Variants in PTPRG observed in about 807,000 individuals in gnomAD.
PTPRG encodes the protein protein tyrosine phosphatase receptor type G.
Under a neutral mutation model 165.3 loss-of-function variants are expected in PTPRG, and 102 were observed. That is an observed-to-expected ratio of 0.62 (90% CI 0.53 to 0.73). The LOEUF (loss-of-function observed/expected upper bound fraction) is 0.73. Among genes scored for constraint, PTPRG ranks in the 30% least tolerant of loss-of-function variants. The probability of loss-of-function intolerance (pLI) is 0.00; values close to 1 mark genes in which losing one functional copy is unlikely to be tolerated. For missense variants in PTPRG, 1,866 were observed against 1,861.4 expected, an observed-to-expected ratio of 1.00 and a Z score of -0.05; for synonymous variants, 675 against 669.5, an observed-to-expected ratio of 1.01 and a Z score of -0.13.
chr3:61,634,604 G>A (rs890054160), intron 1 of PTPRG, among the ~76,000 whole-genome samples: 1 of 151,872 alleles, frequency 6.6e-6, no homozygotes, highest in African/African-American at 2.4e-5. Flanking sequence ...TTTTTCTGTG[G>A]AAACCTAAAC....
At chr3:61,761,997 G>C (rs555454972) in intron 2 of PTPRG, among the ~76,000 whole-genome samples, 1 of 152,214 alleles carries the variant, frequency 6.6e-6, no homozygotes, top group South Asian at 2.1e-4. Context: ...TGGTCATTGA[G>C]AGATTTTAGC....
At chr3:61,632,714 T>A (rs1701802336) in intron 1 of PTPRG, among the ~76,000 whole-genome samples, 1 of 152,224 alleles carries the variant, frequency 6.6e-6, no homozygotes. Flanking sequence ...CAGCAAGTGA[T>A]GATGTAAGCA....
rs777192729 is a variant in PTPRG, at chr3:62,203,310, C to T, written c.1515C>T (p.Ala505=). The T allele has an allele frequency of 3.1e-6, 5 of 1,614,034 alleles. No homozygotes were observed. The highest frequency in any genetic ancestry group is 4.2e-6 in the Non-Finnish European group (5 of 1,180,030). Residue 505 remains alanine (A), a synonymous_variant, in exon 12 of 30, where the codon GCC becomes GCT. Transcript: ENST00000474889. This position sits in a 1 kb window ranked among gnomAD's most constrained non-coding sequence, Gnocchi z 6.4. ...GMGPSSSGSQ[A]TVASVVTSTL... is the part of the protein sequence containing the mutation. ...GCCCCTCCTCCAGTGGCAGCCAGGC[C>T]ACAGTGGCCTCGGTGGTCACCAGCA...
At chr3:62,025,132 A>G (rs138727126) in intron 4 of PTPRG, among the ~76,000 whole-genome samples, 24 of 152,318 alleles carry the variant, frequency 1.6e-4, no homozygotes, top group African/African-American at 5.8e-4. Flanking sequence ...ACACTGCAAC[A>G]GGGAGTGGGA....
In PTPRG at chr3:61,589,495, C is replaced by T. The variant is rs147295021; in HGVS notation, c.85+27123C>T. Reference sequence around the variant, plus strand: ...ATAGAAGTGAGAAAACTTTGAGGCTCACAGAAAAATTTCCCCCAGTTACAC... The same window carrying T: ...ATAGAAGTGAGAAAACTTTGAGGCTTACAGAAAAATTTCCCCCAGTTACAC... On this transcript the variant is annotated intron_variant, in intron 1 of 29. Coordinates refer to ENST00000474889, the MANE Select transcript of PTPRG (RefSeq NM_002841.4). Among the ~76,000 whole-genome samples, 39 of 152,244 alleles carry T rather than the reference C, an allele frequency of 2.6e-4. No individual in the cohort carries two copies. In the East Asian group the frequency reaches 7.3e-3, roughly 29 times the overall value.
chr3:61,706,113 C>T (rs183935317), intron 1 of PTPRG, among the ~76,000 whole-genome samples: 32 of 152,212 alleles, frequency 2.1e-4, no homozygotes, highest in African/African-American at 7.7e-4. Context: ...GGATTAAATG[C>T]TTGCCATCTA....
chr3:62,265,347 A>G (rs1701829662), intron 17 of PTPRG, among the ~76,000 whole-genome samples: 1 of 152,130 alleles, frequency 6.6e-6, no homozygotes. Flanking sequence ...TGCTTTTGTT[A>G]AATTTATTCC....
At position 62,046,892 on chromosome 3, in the gene PTPRG, C is replaced by T. The variant is rs542438994; in HGVS notation, c.520-31271C>T. Among the ~76,000 whole-genome samples, 20 of 152,282 alleles carry T rather than the reference C, an allele frequency of 1.3e-4. No homozygotes were observed. The East Asian group carries it at 3.1e-3, about 24-fold the overall frequency. Reference sequence around the variant, plus strand: ...GTAACAACTACTACCATTTATGGGGCACTTACAGGATGCAAGACTGTGCAC... The same window carrying T: ...GTAACAACTACTACCATTTATGGGGTACTTACAGGATGCAAGACTGTGCAC... On this transcript the variant is annotated intron_variant, in intron 4 of 29. Coordinates refer to ENST00000474889, the MANE Select transcript of PTPRG (RefSeq NM_002841.4).
intron 4 of PTPRG, among the ~76,000 whole-genome samples, chr3:62,050,810 G>A (rs1307293153): frequency 6.6e-6 from 1 of 152,148 alleles, no homozygotes; most frequent in Admixed American, 6.5e-5. Flanking sequence ...TCATTCCCAA[G>A]CAAGCTGTCT....
chr3:61,817,045 AATATT>A (rs1369073994), intron 2 of PTPRG, among the ~76,000 whole-genome samples: 22 of 131,330 alleles, frequency 1.7e-4, no homozygotes, highest in South Asian at 4.4e-4. Flanking sequence ...TATAATATAT[AATATT>A]ATATATAATA....
At chr3:62,184,193 C>T (rs114117616) in intron 8 of PTPRG, among the ~76,000 whole-genome samples, 78 of 152,286 alleles carry the variant, frequency 5.1e-4, no homozygotes, top group Non-Finnish European at 7.3e-4. Flanking sequence ...TGCACAGAGC[C>T]GGGCCCAGGG....
At chr3:62,009,299 T>C (rs1326332220) in intron 4 of PTPRG, among the ~76,000 whole-genome samples, 1 of 152,126 alleles carries the variant, frequency 6.6e-6, no homozygotes, top group Non-Finnish European at 1.5e-5. Context: ...TCCCAGTACT[T>C]CTCTCTTCCT....
Position 62,292,537 on chromosome 3 carries a change from C to G in PTPRG, c.4172C>G (p.Pro1391Arg), listed in dbSNP as rs1195413336. ...QVAKMINLMR[P>R]GVFTDIEQYQ... ...GCAAAAATGATCAATCTTATGAGGC[C>G]TGGAGTATTCACAGACATTGTAAGT... The change falls in exon 29 of 30, where the codon CCT becomes CGT. Residue 1391 changes from proline (P) to arginine (R), a missense_variant. Transcript: ENST00000474889. The G allele has an allele frequency of 6.2e-7, 1 of 1,613,298 alleles. No homozygotes were observed. The highest frequency in any genetic ancestry group is 8.5e-7 in the Non-Finnish European group (1 of 1,179,564).
chr3:61,946,510 T>C (rs1438259294), intron 2 of PTPRG, among the ~76,000 whole-genome samples: 2 of 152,212 alleles, frequency 1.3e-5, no homozygotes, highest in African/African-American at 4.8e-5. Context: ...GCCTGTTTGA[T>C]AGTGAGCTCT....
At chr3:62,143,415 C>T (rs936758524) in intron 6 of PTPRG, among the ~76,000 whole-genome samples, 4 of 152,108 alleles carry the variant, frequency 2.6e-5, no homozygotes, top group Admixed American at 1.3e-4. Context: ...GGGTTCTTGC[C>T]TGTTTTTGTG....
At chr3:61,792,139 G>A (rs572626351) in intron 2 of PTPRG, among the ~76,000 whole-genome samples, 67 of 152,068 alleles carry the variant, frequency 4.4e-4, no homozygotes, top group Middle Eastern at 6.8e-3. Flanking sequence ...AGTTGGTGTA[G>A]TGTCACCAAA....
intron 2 of PTPRG, among the ~76,000 whole-genome samples, chr3:61,956,229 CAT>C (rs1300877498): frequency 6.6e-6 from 1 of 152,054 alleles, no homozygotes; most frequent in African/African-American, 2.4e-5. Context: ...ACTTGTGTAA[CAT>C]ATGTATGTCC....
chr3:61,732,753 TA>T (rs2032562127), intron 1 of PTPRG, among the ~76,000 whole-genome samples: 2 of 142,352 alleles, frequency 1.4e-5, no homozygotes, highest in Non-Finnish European at 3.0e-5. Context: ...AATAAATAAA[TA>T]AATAAATCTT....
chr3:61,732,640 C>T (rs1195251606), intron 1 of PTPRG, among the ~76,000 whole-genome samples: 2 of 151,824 alleles, frequency 1.3e-5, no homozygotes, highest in Non-Finnish European at 2.9e-5. Context: ...ACCCGAGAGG[C>T]GGAGCTTGCA....
Sources: allele counts gnomAD v4.1 joint callset (sites outside exome capture counted in the v4.1 genomes callset), GRCh38; gene constraint gnomAD v4.1.1; non-coding constraint Gnocchi (gnomAD v3.1); transcripts MANE v1.5; gene names NCBI Gene and HGNC (gene_info 2026-07-23, HGNC 2026-07-21).